ANKRD45: variants seen among roughly 807,000 people sequenced by gnomAD.
ANKRD45 encodes ankyrin repeat domain 45.
Under a neutral mutation model 28.1 loss-of-function variants are expected in ANKRD45, and 21 were observed. The ratio of observed to expected loss-of-function variants is 0.75; its 90% CI spans 0.53 to 1.08. The LOEUF is 1.08. Ranked by LOEUF, ANKRD45 falls within the 50% of genes least tolerant of loss-of-function variation. ANKRD45 has a pLI of 0.00. For missense variants in ANKRD45, 261 were observed against 308.7 expected, an observed-to-expected ratio of 0.85 and a Z score of 1.16; for synonymous variants, 86 against 103.9, an observed-to-expected ratio of 0.83 and a Z score of 1.05.
chr1:173,629,506 T>C (rs1036730386), intron 3 of ANKRD45, among the ~76,000 whole-genome samples: 8 of 152,098 alleles, frequency 5.3e-5, no homozygotes, highest in East Asian at 1.9e-4. Context: ...AAAAATGCAA[T>C]TGACATACCA....
the ANKRD45 span, among the ~76,000 whole-genome samples, chr1:173,706,486 C>T: frequency 1.3e-5 from 2 of 151,414 alleles, no homozygotes; most frequent in Non-Finnish European, 2.9e-5. Context: ...TTACAGGTGC[C>T]CACGACCATG....
At chr1:173,657,750 T>C (rs547946990) in intron 2 of ANKRD45, 1 of 150,920 alleles carries the variant, frequency 6.6e-6, no homozygotes, top group South Asian at 2.1e-4. Flanking sequence ...AGTGTGAGCC[T>C]CTGCACCTGG....
At chr1:173,669,201 G>A (rs1167763989) in intron 1 of ANKRD45, among the ~76,000 whole-genome samples, 10 of 152,274 alleles carry the variant, frequency 6.6e-5, no homozygotes, top group Admixed American at 6.5e-4. Context: ...TCAATTCTGG[G>A]TGGCGGTCTC....
chr1:173,679,964 A>T, the ANKRD45 span, among the ~76,000 whole-genome samples: 1 of 152,236 alleles, frequency 6.6e-6, no homozygotes, highest in African/African-American at 2.4e-5. Context: ...GTCATTAGGG[A>T]ACTGCAAATC....
chr1:173,655,983 G>C (rs1291316443), intron 2 of ANKRD45, among the ~76,000 whole-genome samples: 3 of 152,200 alleles, frequency 2.0e-5, no homozygotes, highest in Admixed American at 1.3e-4. Flanking sequence ...AGGCAGGAAT[G>C]TCCCGTTTTT....
chr1:173,628,909 C>T (rs1668065302), intron 3 of ANKRD45, among the ~76,000 whole-genome samples: 1 of 152,172 alleles, frequency 6.6e-6, no homozygotes, highest in African/African-American at 2.4e-5. Context: ...CTTACCCCTC[C>T]CCCAGTTCTA....
chr1:173,678,878 G>T, the ANKRD45 span, among the ~76,000 whole-genome samples: 1 of 152,174 alleles, frequency 6.6e-6, no homozygotes, highest in Non-Finnish European at 1.5e-5. Flanking sequence ...CAAAGTCAAT[G>T]TGCAAAAATC....
the ANKRD45 span, among the ~76,000 whole-genome samples, chr1:173,711,557 G>T: frequency 6.6e-6 from 1 of 152,206 alleles, no homozygotes; most frequent in African/African-American, 2.4e-5. Flanking sequence ...TGAATAGAAT[G>T]GGAGGCAAGT....
At chr1:173,663,312 T>G (rs1179342124) in intron 1 of ANKRD45, among the ~76,000 whole-genome samples, 1 of 152,162 alleles carries the variant, frequency 6.6e-6, no homozygotes, top group African/African-American at 2.4e-5. Flanking sequence ...TGAAGGGCAC[T>G]CATCGCAAGT....
chr1:173,714,485 C>T, the ANKRD45 span, among the ~76,000 whole-genome samples: 1 of 152,064 alleles, frequency 6.6e-6, no homozygotes, highest in South Asian at 2.1e-4. Flanking sequence ...GAAAGTTTGA[C>T]CGTGGGAAAT....
the ANKRD45 span, among the ~76,000 whole-genome samples, chr1:173,706,347 AT>A: frequency 6.8e-6 from 1 of 147,704 alleles, no homozygotes; most frequent in African/African-American, 2.5e-5. Flanking sequence ...TTTGCTTTTA[AT>A]TTTTTTTTGA....
chr1:173,634,240 C>T (rs1461017), intron 3 of ANKRD45, among the ~76,000 whole-genome samples: 25,825 of 151,920 alleles, frequency 0.17, 7,305 homozygotes, highest in African/African-American at 0.59. Context: ...ATCAACATCA[C>T]TGATCATCCA....
At chr1:173,650,241 GC>G (rs1669120485) in intron 2 of ANKRD45, among the ~76,000 whole-genome samples, 1 of 152,114 alleles carries the variant, frequency 6.6e-6, no homozygotes, top group Admixed American at 6.6e-5. Context: ...TTCTCCTAAT[GC>G]TATCTCTCCA....
the ANKRD45 span, among the ~76,000 whole-genome samples, chr1:173,694,675 T>A: frequency 6.6e-6 from 1 of 151,872 alleles, no homozygotes; most frequent in Non-Finnish European, 1.5e-5. Context: ...ATAGTGTACA[T>A]TGTACCCAAT....
the ANKRD45 span, among the ~76,000 whole-genome samples, chr1:173,701,450 A>T: frequency 1.3e-5 from 2 of 152,232 alleles, no homozygotes; most frequent in Admixed American, 6.5e-5. Context: ...CTGGATTAAG[A>T]AAATGTGGCA....
intron 3 of ANKRD45, chr1:173,635,453 T>C (rs931884381): frequency 9.3e-7 from 1 of 1,078,350 alleles, no homozygotes; most frequent in Non-Finnish European, 1.3e-6. Context: ...TTTATTTTAT[T>C]ATTTAGCTAA....
At chr1:173,651,768 C>T (rs554135639) in intron 2 of ANKRD45, among the ~76,000 whole-genome samples, 15 of 152,232 alleles carry the variant, frequency 9.9e-5, no homozygotes, top group East Asian at 7.7e-4. Context: ...TCCTTTATTT[C>T]GTTGAGCAGT....
the ANKRD45 span, among the ~76,000 whole-genome samples, chr1:173,710,041 T>C: frequency 6.6e-6 from 1 of 152,196 alleles, no homozygotes; most frequent in African/African-American, 2.4e-5. Flanking sequence ...AGAATAAAAA[T>C]TCGCTGGGTG....
In ANKRD45 at chr1:173,663,432, T is replaced by C. The variant is rs376368000; in HGVS notation, c.-15-3999A>G. Among the ~76,000 whole-genome samples the C allele has an allele frequency of 1.4e-4, 21 of 152,282 alleles. 2 individuals carry two copies. Among genetic ancestry groups the C allele is most frequent in the Admixed American group, 9.8e-4 (15 of 15,302 alleles). ...TTCCTCATTTTCAGCCTCCCAGTAA[T>C]TACTAGTTGTCTTCCCCAAAATCTC... On this transcript the variant is annotated intron_variant, in intron 1 of 5. Coordinates refer to ENST00000333279, the MANE Select transcript of ANKRD45 (RefSeq NM_198493.3).
Sources: allele counts gnomAD v4.1 joint callset (sites outside exome capture counted in the v4.1 genomes callset), GRCh38; gene constraint gnomAD v4.1.1; transcripts MANE v1.5; gene names NCBI Gene and HGNC (gene_info 2026-07-23, HGNC 2026-07-21).